Variants in JAK2 observed in about 807,000 individuals in gnomAD.
JAK2 encodes the protein Janus kinase 2.
JAK2 carries 86 observed loss-of-function variants against 139.3 expected under a neutral mutation model. That is an observed-to-expected ratio of 0.62 (90% CI 0.52 to 0.74). JAK2 has a LOEUF of 0.74. JAK2 is among the 30% of genes least tolerant of loss of function. The probability of loss-of-function intolerance (pLI) is 0.00; values close to 1 mark genes in which losing one functional copy is unlikely to be tolerated. For missense variants in JAK2, 1,421 were observed against 1,360.3 expected (o/e 1.04, Z -0.70); for synonymous variants, 490 against 437.7 (o/e 1.12, Z -1.49).
At chr9:5,085,127 C>T (rs1213944927) in intron 19 of JAK2, 5 of 648,842 alleles carry the variant, frequency 7.7e-6, no homozygotes, top group Non-Finnish European at 1.5e-5. Context: ...TGTTTTACAC[C>T]ATCACTCTGT....
intron 23 of JAK2, chr9:5,126,062 C>G (rs1156632134): frequency 7.8e-6 from 2 of 255,114 alleles, no homozygotes; most frequent in Admixed American, 1.1e-4. Context: ...CAACAAAAAA[C>G]TCAAAGGAAA....
Position 5,080,515 on chromosome 9 carries a change from G to T in JAK2, c.2284-18G>T. Reference sequence around the variant, plus strand: ...GCATTACACAATTTATTCTCAGTTTGTGGTTCTTTAATTATAGAAGCTACA... The same window carrying T: ...GCATTACACAATTTATTCTCAGTTTTTGGTTCTTTAATTATAGAAGCTACA... On this transcript the variant is annotated intron_variant, in intron 17 of 24. Coordinates refer to ENST00000381652, the MANE Select transcript of JAK2 (RefSeq NM_004972.4). 2 of 1,571,548 alleles carry T rather than the reference G, an allele frequency of 1.3e-6. No individual in the cohort carries two copies. The highest frequency in any genetic ancestry group is 1.7e-6 in the Non-Finnish European group (2 of 1,164,886).
chr9:5,107,865 T>G (rs1822098256), intron 22 of JAK2: 2 of 152,174 alleles, frequency 1.3e-5, no homozygotes, highest in Admixed American at 6.5e-5. Flanking sequence ...GGCCTTGCCT[T>G]ATTAGTTTCA....
At chr9:5,021,681 C>T (rs1212189408) in intron 2 of JAK2, among the ~76,000 whole-genome samples, 2 of 152,062 alleles carry the variant, frequency 1.3e-5, no homozygotes, top group African/African-American at 2.4e-5. Context: ...GACTGGAGTG[C>T]GGTGGAGTGC....
intron 22 of JAK2, among the ~76,000 whole-genome samples, chr9:5,121,099 G>A (rs562731979): frequency 2.0e-4 from 31 of 152,306 alleles, no homozygotes; most frequent in African/African-American, 6.7e-4. Context: ...CAATTTAGAA[G>A]AGGCAGAATA....
chr9:5,039,338 T>C (rs534909034), intron 4 of JAK2, among the ~76,000 whole-genome samples: 8 of 152,152 alleles, frequency 5.3e-5, no homozygotes, highest in Non-Finnish European at 1.0e-4. Context: ...TTGTCATTAC[T>C]CCCTAAAGAA....
intron 22 of JAK2, chr9:5,112,365 G>C: frequency 2.5e-6 from 1 of 392,832 alleles, no homozygotes. Flanking sequence ...AGTGGGCTAG[G>C]GCGAGCAGGC....
At chr9:5,105,668 T>C (rs1821896079) in intron 22 of JAK2, among the ~76,000 whole-genome samples, 1 of 152,082 alleles carries the variant, frequency 6.6e-6, no homozygotes, top group Non-Finnish European at 1.5e-5. Flanking sequence ...CAAACTATAC[T>C]ACAAGGCTAC....
chr9:5,013,050 C>T (rs1821802192), intron 2 of JAK2, among the ~76,000 whole-genome samples: 1 of 152,112 alleles, frequency 6.6e-6, no homozygotes, highest in South Asian at 2.1e-4. Context: ...TATTGATGGA[C>T]TGGATATAGG....
At chr9:5,065,223 C>G (rs1275471872) in intron 9 of JAK2, among the ~76,000 whole-genome samples, 183 bp downstream of exon 9, 1 of 152,128 alleles carries the variant, frequency 6.6e-6, no homozygotes, top group African/African-American at 2.4e-5. Context: ...AATTTACCAT[C>G]TGTATCCCAA....
intron 4 of JAK2, among the ~76,000 whole-genome samples, chr9:5,042,397 A>G (rs1157768142): frequency 6.6e-6 from 1 of 151,920 alleles, no homozygotes; most frequent in South Asian, 2.1e-4. Flanking sequence ...TCGGCCTCCC[A>G]AAGTGCTGGG....
intron 5 of JAK2, among the ~76,000 whole-genome samples, chr9:5,046,922 CTATT>C (rs745855831): frequency 5.9e-5 from 9 of 152,262 alleles, no homozygotes; most frequent in South Asian, 4.1e-4. Flanking sequence ...TTTTCCCAAA[CTATT>C]CATTCAGCTA....
chr9:5,125,325 A>G (rs1435972969), intron 23 of JAK2, among the ~76,000 whole-genome samples: 5 of 151,210 alleles, frequency 3.3e-5, no homozygotes, highest in Admixed American at 2.6e-4. Flanking sequence ...TTCATGAAGT[A>G]TTACAGCATG....
At chr9:5,029,697 C>T (rs1388953122) in intron 3 of JAK2, 86 bp from the exon 4 acceptor site, 1 of 1,256,858 alleles carries the variant, frequency 8.0e-7, no homozygotes, top group East Asian at 2.5e-5. Context: ...AGAGTTGTTA[C>T]TTTAGCTTCA....
At chr9:4,989,388 C>T (rs563647665) in intron 2 of JAK2, among the ~76,000 whole-genome samples, 3 of 151,712 alleles carry the variant, frequency 2.0e-5, no homozygotes, top group Non-Finnish European at 4.4e-5. Flanking sequence ...AGTTATTTCC[C>T]TAGTGTTAGC....
intron 18 of JAK2, 53 bp from the exon 19 acceptor site, chr9:5,081,672 T>C (rs1451350611): frequency 3.7e-6 from 5 of 1,335,322 alleles, no homozygotes; most frequent in Non-Finnish European, 5.4e-6. Context: ...ATCAGTTTAG[T>C]CCAGAGAATG....
At chr9:5,052,565 G>C (rs1483087679) in intron 6 of JAK2, among the ~76,000 whole-genome samples, 4 of 151,998 alleles carry the variant, frequency 2.6e-5, no homozygotes, top group Non-Finnish European at 5.9e-5. Flanking sequence ...TCACAGGGTT[G>C]TATAAAGATG....
At chr9:4,995,194 A>G (rs1418137174) in intron 2 of JAK2, among the ~76,000 whole-genome samples, 1 of 152,126 alleles carries the variant, frequency 6.6e-6, no homozygotes, top group Non-Finnish European at 1.5e-5. Flanking sequence ...CTCTTCACTC[A>G]TATCTTGGCC....
chr9:5,125,148 G>C (rs1823890775), intron 23 of JAK2, among the ~76,000 whole-genome samples: 1 of 151,004 alleles, frequency 6.6e-6, no homozygotes, highest in African/African-American at 2.4e-5. Context: ...ACTCAGAGAA[G>C]ACCACCTCAA....
Sources: allele counts gnomAD v4.1 joint callset (sites outside exome capture counted in the v4.1 genomes callset), GRCh38; gene constraint gnomAD v4.1.1; transcripts MANE v1.5; gene names NCBI Gene and HGNC (gene_info 2026-07-23, HGNC 2026-07-21).